ABCG2: variants seen among roughly 807,000 people sequenced by gnomAD.
ABCG2 encodes the protein broad substrate specificity ATP-binding cassette transporter ABCG2.
In ABCG2, 80 loss-of-function variants were observed where a neutral mutation model predicts 73.5. The ratio of observed to expected loss-of-function variants is 1.09; its 90% CI spans 0.91 to 1.31. The LOEUF (loss-of-function observed/expected upper bound fraction) is 1.31. Among genes scored for constraint, ABCG2 ranks in the 50% most tolerant of loss-of-function variants. The pLI is 0.00. For synonymous variants in ABCG2, 269 were observed against 282.4 expected, an observed-to-expected ratio of 0.95 and a Z score of 0.48; for missense variants, 796 against 786.2, an observed-to-expected ratio of 1.01 and a Z score of -0.15.
chr4:88,096,243 A>C (rs1344123851), intron 13 of ABCG2, among the ~76,000 whole-genome samples: 1 of 152,252 alleles, frequency 6.6e-6, no homozygotes, highest in Non-Finnish European at 1.5e-5. Flanking sequence ...TGGAGATGCC[A>C]GGAAGACCTG....
intron 1 of ABCG2, among the ~76,000 whole-genome samples, chr4:88,172,258 C>T (rs1560735845): frequency 1.3e-5 from 2 of 149,286 alleles, no homozygotes; most frequent in African/African-American, 5.0e-5. Flanking sequence ...CACACCACTG[C>T]ACTCCAGCCT....
chr4:88,103,649 T>C (rs1722591767), intron 10 of ABCG2, among the ~76,000 whole-genome samples: 1 of 152,230 alleles, frequency 6.6e-6, no homozygotes, highest in South Asian at 2.1e-4. Flanking sequence ...CATTGTGCAA[T>C]GTATCTCCAA....
chr4:88,215,863 A>C (rs1223928125), intron 1 of ABCG2, among the ~76,000 whole-genome samples: 1 of 152,234 alleles, frequency 6.6e-6, no homozygotes, highest in East Asian at 1.9e-4. Flanking sequence ...CGAGTTGCCA[A>C]ATTGTGCGTT....
At chr4:88,157,338 A>C (rs1033685120) in intron 1 of ABCG2, among the ~76,000 whole-genome samples, 2 of 152,174 alleles carry the variant, frequency 1.3e-5, no homozygotes, top group Non-Finnish European at 2.9e-5. Flanking sequence ...AAAATTAAGG[A>C]TATTTAGCAG....
Position 88,092,132 on chromosome 4 carries a change from G to T in ABCG2, c.*102C>A. ...AACAATTGCTGCTGTGCAACAGTGT[G>T]ATGGCAAGGGAACAGAAAACAACAA... On this transcript the variant is annotated 3_prime_UTR_variant, in exon 16 of 16. Transcript: ENST00000237612. The T allele has an allele frequency of 9.5e-7, 1 of 1,056,274 alleles. No homozygotes were observed. The allele number at this position is 1,056,274 out of a possible 1,614,324, so 65.4% of individuals were successfully genotyped here. A position where few individuals can be genotyped will look rare whatever the true frequency, so the allele number is the denominator to read the frequency against.
intron 1 of ABCG2, among the ~76,000 whole-genome samples, chr4:88,207,808 G>T (rs1264636935): frequency 6.6e-6 from 1 of 152,098 alleles, no homozygotes; most frequent in Non-Finnish European, 1.5e-5. Context: ...GCCTCCCAAA[G>T]TGCTGGAATT....
intron 10 of ABCG2, 130 bp from the exon 11 acceptor site, chr4:88,101,449 G>A (rs1440039307): frequency 2.5e-6 from 2 of 785,338 alleles, no homozygotes; most frequent in African/African-American, 3.4e-5. Context: ...AACTGTTCTG[G>A]TTGGAACAGG....
rs577025955 is a variant in ABCG2 at position 88,178,976 on chromosome 4, C to T, written c.-19-38962G>A. On this transcript the variant is annotated intron_variant, in intron 1 of 15. Transcript: ENST00000515655. ...GCCCAGGACAGGGAGAACTTGCTGC[C>T]CTGAAGGGAAGGACACAACCTGGCT... is the stretch of plus-strand genomic sequence containing the variant. Among the ~76,000 whole-genome samples the T allele has an allele frequency of 2.0e-5, 3 of 152,244 alleles. No homozygotes were observed. The East Asian group carries it at 5.8e-4, about 29-fold the overall frequency.
At chr4:88,094,964 T>C (rs1184098125) in intron 14 of ABCG2, among the ~76,000 whole-genome samples, 1 of 152,222 alleles carries the variant, frequency 6.6e-6, no homozygotes, top group Non-Finnish European at 1.5e-5. Flanking sequence ...ATAAACATTC[T>C]AATTAAAATG....
intron 1 of ABCG2, among the ~76,000 whole-genome samples, chr4:88,200,726 G>A (rs936902937): frequency 2.0e-5 from 3 of 151,680 alleles, no homozygotes; most frequent in Non-Finnish European, 4.4e-5. Flanking sequence ...GTTAGCCAGG[G>A]TGGTCTCAAT....
At chr4:88,094,221 T>A (rs1465177135) in intron 15 of ABCG2, among the ~76,000 whole-genome samples, 1 of 152,170 alleles carries the variant, frequency 6.6e-6, no homozygotes, top group Non-Finnish European at 1.5e-5. Context: ...TCAGGAACCA[T>A]AAGCCCTTGA....
At chr4:88,159,960 A>G (rs1464105322), upstream of ABCG2, among the ~76,000 whole-genome samples, 1 of 152,178 alleles carries the variant, frequency 6.6e-6, no homozygotes, top group Non-Finnish European at 1.5e-5. Flanking sequence ...AGACAAAATT[A>G]AGGCCAGCAC....
At chr4:88,194,830 G>T (rs945380771) in intron 1 of ABCG2, among the ~76,000 whole-genome samples, 1 of 152,110 alleles carries the variant, frequency 6.6e-6, no homozygotes, top group Non-Finnish European at 1.5e-5. Flanking sequence ...AGGGAAAATG[G>T]TAGGAGACAG....
Position 88,127,123 on chromosome 4 carries a change from T to C in ABCG2, c.531+3938A>G, listed in dbSNP as rs186306940. On this transcript the variant is annotated intron_variant, in intron 5 of 15. Transcript: ENST00000237612. Reference sequence around the variant, plus strand: ...TGTGCAAAAATCACAAGCATTCCTATACACCAATAATAGACAAACAGAGAG... The same window carrying C: ...TGTGCAAAAATCACAAGCATTCCTACACACCAATAATAGACAAACAGAGAG... 2.6e-3 allele frequency among the ~76,000 whole-genome samples: 395 copies of C among 152,226 alleles called. 3 individuals carry two copies. The highest frequency in any genetic ancestry group is 4.5e-3 in the Non-Finnish European group (308 of 68,010).
intron 2 of ABCG2, among the ~76,000 whole-genome samples, chr4:88,138,899 T>G (rs560882620): frequency 6.6e-6 from 1 of 152,014 alleles, no homozygotes; most frequent in Non-Finnish European, 1.5e-5. Context: ...CCCCAGTGCT[T>G]TGGGAGGCTG....
chr4:88,181,925 G>A (rs544162984), intron 1 of ABCG2, among the ~76,000 whole-genome samples: 7 of 151,572 alleles, frequency 4.6e-5, no homozygotes, highest in African/African-American at 7.3e-5. Flanking sequence ...AAGTCCTTAC[G>A]TATCAATAAT....
chr4:88,096,579 G>A (rs990729639), intron 13 of ABCG2, among the ~76,000 whole-genome samples: 4 of 152,140 alleles, frequency 2.6e-5, no homozygotes, highest in Non-Finnish European at 5.9e-5. Flanking sequence ...TATGGCAAGA[G>A]TTTGTGCTAA....
intron 1 of ABCG2, among the ~76,000 whole-genome samples, chr4:88,205,121 G>A (rs1274391102): frequency 2.0e-5 from 3 of 152,112 alleles, no homozygotes; most frequent in African/African-American, 7.2e-5. Flanking sequence ...CTACCAACAG[G>A]GGCACACTAG....
At chr4:88,164,403 G>A (rs190202463) in intron 1 of ABCG2, among the ~76,000 whole-genome samples, 7 of 152,254 alleles carry the variant, frequency 4.6e-5, no homozygotes, top group Admixed American at 2.0e-4. Context: ...CACGTGTTGC[G>A]GGAGGGACCT....
Sources: allele counts gnomAD v4.1 joint callset (sites outside exome capture counted in the v4.1 genomes callset), GRCh38; gene constraint gnomAD v4.1.1; transcripts MANE v1.5; gene names NCBI Gene and HGNC (gene_info 2026-07-23, HGNC 2026-07-21).